ANKS1B: variants seen among roughly 807,000 people sequenced by gnomAD.
ANKS1B encodes ankyrin repeat and sterile alpha motif domain containing 1B.
ANKS1B carries 36 observed loss-of-function variants against 148.3 expected under a neutral mutation model. The observed-to-expected ratio is 0.24, with a 90% CI of 0.19 to 0.32. The LOEUF is 0.32. Ranked by LOEUF, ANKS1B falls within the 10% of genes least tolerant of loss-of-function variation. The pLI, the probability that ANKS1B is intolerant of heterozygous loss-of-function variation, is 1.00. For synonymous variants in ANKS1B, 542 were observed against 560.8 expected, an observed-to-expected ratio of 0.97 and a Z score of 0.47; for missense variants, 1,157 against 1,542.6, an observed-to-expected ratio of 0.75 and a Z score of 4.19.
At chr12:99,473,948 G>A (rs1013791871) in intron 10 of ANKS1B, among the ~76,000 whole-genome samples, 2 of 151,992 alleles carry the variant, frequency 1.3e-5, no homozygotes, top group African/African-American at 4.8e-5. Flanking sequence ...TCTTGTGTAA[G>A]AAATCCTTCC....
intron 19 of ANKS1B, among the ~76,000 whole-genome samples, chr12:98,810,388 A>ATGTGTG (rs2099085426): frequency 6.6e-6 from 1 of 152,216 alleles, no homozygotes. Flanking sequence ...GACCACCTTC[A>ATGTGTG]TGAATATTCA....
At chr12:98,737,010 G>A (rs2097776869) in intron 9 of ANKS1B, among the ~76,000 whole-genome samples, 2 of 152,206 alleles carry the variant, frequency 1.3e-5, no homozygotes. Context: ...TCTGAAAAAT[G>A]AGGATCCGTT....
chr12:99,218,884 A>C (rs1482202615), intron 14 of ANKS1B, among the ~76,000 whole-genome samples: 3 of 152,232 alleles, frequency 2.0e-5, no homozygotes, highest in Non-Finnish European at 2.9e-5. Flanking sequence ...AAAATACCAT[A>C]GCATGTGAAA....
chr12:99,813,419 T>C (rs561626390), intron 2 of ANKS1B, among the ~76,000 whole-genome samples: 209 of 151,256 alleles, frequency 1.4e-3, no homozygotes, highest in African/African-American at 4.2e-3. Flanking sequence ...AATAAAGTTG[T>C]TTCTTACATA....
intron 15 of ANKS1B, among the ~76,000 whole-genome samples, chr12:99,101,477 T>G (rs1328142763): frequency 2.0e-5 from 3 of 152,196 alleles, no homozygotes; most frequent in Non-Finnish European, 2.9e-5. Context: ...AGAATAACTG[T>G]CAGCGCTCTT....
intron 22 of ANKS1B, among the ~76,000 whole-genome samples, chr12:98,787,192 G>T (rs2098803055): frequency 6.6e-6 from 1 of 152,178 alleles, no homozygotes; most frequent in African/African-American, 2.4e-5. Context: ...AAACTAGCTA[G>T]GTTGTGGGAT....
chr12:99,747,172 C>T (rs755133054), intron 8 of ANKS1B, among the ~76,000 whole-genome samples: 2 of 152,022 alleles, frequency 1.3e-5, no homozygotes, highest in South Asian at 4.1e-4. Context: ...AAAAGCTTTC[C>T]CAAGCTCCTT....
At chr12:99,661,727 T>G (rs1000081601) in intron 8 of ANKS1B, among the ~76,000 whole-genome samples, 1 of 152,218 alleles carries the variant, frequency 6.6e-6, no homozygotes, top group Non-Finnish European at 1.5e-5. Context: ...TAACACCTTC[T>G]TTTATTCTTG....
At chr12:99,663,674 G>T (rs535230618) in intron 8 of ANKS1B, among the ~76,000 whole-genome samples, 2 of 151,552 alleles carry the variant, frequency 1.3e-5, no homozygotes, top group African/African-American at 4.8e-5. Context: ...CTGAAATGAC[G>T]TTACTATGTA....
At chr12:99,912,206 AC>A (rs2094026681) in intron 1 of ANKS1B, among the ~76,000 whole-genome samples, 1 of 151,992 alleles carries the variant, frequency 6.6e-6, no homozygotes, top group Non-Finnish European at 1.5e-5. Context: ...TCTGGTAAAG[AC>A]TCTAGATAGA....
At chr12:99,681,669 G>A (rs2098618548) in intron 8 of ANKS1B, among the ~76,000 whole-genome samples, 1 of 152,062 alleles carries the variant, frequency 6.6e-6, no homozygotes, top group Non-Finnish European at 1.5e-5. Context: ...GCACCCTGTG[G>A]GACAAAAGAA....
intron 4 of ANKS1B, among the ~76,000 whole-genome samples, chr12:99,798,079 A>G (rs2066467905): frequency 6.6e-6 from 1 of 152,004 alleles, no homozygotes; most frequent in Non-Finnish European, 1.5e-5. Flanking sequence ...CAAAGATGTC[A>G]GAGCTTAGCT....
intron 1 of ANKS1B, among the ~76,000 whole-genome samples, chr12:99,850,286 T>C (rs1314934361): frequency 7.1e-6 from 1 of 140,592 alleles, no homozygotes; most frequent in Admixed American, 7.3e-5. Flanking sequence ...AGAAAGTCTC[T>C]CTCTCTCTCT....
chr12:98,956,548 C>T (rs1196289503), intron 17 of ANKS1B: 2 of 151,978 alleles, frequency 1.3e-5, no homozygotes, highest in Non-Finnish European at 2.9e-5. Context: ...TTATTATCCC[C>T]CCCATCCCCC....
intron 12 of ANKS1B, among the ~76,000 whole-genome samples, chr12:99,338,257 A>G (rs1197111379): frequency 6.6e-6 from 1 of 152,048 alleles, no homozygotes; most frequent in Non-Finnish European, 1.5e-5. Flanking sequence ...AGTCCTTCCC[A>G]TTCTTTTCTC....
chr12:99,204,431 G>C lies in ANKS1B; in HGVS notation c.2419+39911C>G, dbSNP rs180812456. Among the ~76,000 whole-genome samples the C allele has an allele frequency of 4.6e-5, 7 of 152,310 alleles. No individual in the cohort carries two copies. In the East Asian group the frequency reaches 1.4e-3, roughly 29 times the overall value. On this transcript the variant is annotated intron_variant, in intron 14 of 26. Transcript: ENST00000683438. ...AGAGCAAGAGATAACATAAATTAAT[G>C]GGTCTTGGAGGCAAACACCAGGAGT...
At chr12:99,900,438 G>A (rs971105661) in intron 1 of ANKS1B, among the ~76,000 whole-genome samples, 59 of 149,152 alleles carry the variant, frequency 4.0e-4, no homozygotes, top group Admixed American at 8.0e-4. Context: ...CCCGGGAGGC[G>A]GAGGTTGCAG....
chr12:99,709,659 T>C (rs934514713), intron 8 of ANKS1B, among the ~76,000 whole-genome samples: 3 of 151,976 alleles, frequency 2.0e-5, no homozygotes, highest in South Asian at 2.1e-4. Flanking sequence ...AGAGCAGATA[T>C]AGGAGAGGTC....
chr12:99,236,771 TA>T (rs1254180432), intron 14 of ANKS1B, among the ~76,000 whole-genome samples: 1 of 152,138 alleles, frequency 6.6e-6, no homozygotes, highest in Non-Finnish European at 1.5e-5. Flanking sequence ...CTTTGACCAT[TA>T]AAAAGAATGA....
Sources: allele counts gnomAD v4.1 joint callset (sites outside exome capture counted in the v4.1 genomes callset), GRCh38; gene constraint gnomAD v4.1.1; transcripts MANE v1.5; gene names NCBI Gene and HGNC (gene_info 2026-07-23, HGNC 2026-07-21).